The following TFG variants were observed in gnomAD, a reference collection of about 807,000 sequenced individuals.
TFG encodes the protein trafficking from ER to golgi regulator.
Under a neutral mutation model 51.4 loss-of-function variants are expected in TFG, and 22 were observed. The observed-to-expected ratio is 0.43, with a 90% CI of 0.31 to 0.61. The LOEUF (loss-of-function observed/expected upper bound fraction) is 0.61. Ranked by LOEUF, TFG falls within the 20% of genes least tolerant of loss-of-function variation. The pLI, the probability that TFG is intolerant of heterozygous loss-of-function variation, is 0.12. For missense variants in TFG, 419 were observed against 487.7 expected, an observed-to-expected ratio of 0.86 and a Z score of 1.33; for synonymous variants, 187 against 165.6, an observed-to-expected ratio of 1.13 and a Z score of -0.99.
intron 4 of TFG, among the ~76,000 whole-genome samples, chr3:100,731,611 G>GTGGA: frequency 6.6e-6 from 1 of 152,230 alleles, no homozygotes; most frequent in East Asian, 1.9e-4. Context: ...GTTACCCAGA[G>GTGGA]TGGAGTACAA....
chr3:100,710,142 G>C (rs2095026093), intron 1 of TFG: 1 of 152,272 alleles, frequency 6.6e-6, no homozygotes, highest in Admixed American at 6.5e-5. Flanking sequence ...AGGGTGTGGA[G>C]TGGCGCCTAC....
At chr3:100,722,687 A>G (rs2095064204) in intron 3 of TFG, among the ~76,000 whole-genome samples, 1 of 152,248 alleles carries the variant, frequency 6.6e-6, no homozygotes, top group Non-Finnish European at 1.5e-5. Context: ...AGACTTCTTC[A>G]TAGTAATAAT....
At chr3:100,733,544 T>A (rs1276870614) in intron 5 of TFG, among the ~76,000 whole-genome samples, 1 of 152,210 alleles carries the variant, frequency 6.6e-6, no homozygotes, top group Non-Finnish European at 1.5e-5. Context: ...TGCTTTAAAA[T>A]GTTTATCTGC....
At chr3:100,722,866 T>G (rs958242669) in intron 3 of TFG, among the ~76,000 whole-genome samples, 1 of 152,220 alleles carries the variant, frequency 6.6e-6, no homozygotes, top group Non-Finnish European at 1.5e-5. Flanking sequence ...TTAACAGTGG[T>G]CTTCATCAAG....
At chr3:100,721,181 C>A (rs2095059829) in intron 3 of TFG, among the ~76,000 whole-genome samples, 2 of 151,846 alleles carry the variant, frequency 1.3e-5, no homozygotes, top group African/African-American at 4.8e-5. Context: ...ATCTGAAGAC[C>A]CTTACTTTAA....
chr3:100,717,116 A>G (rs958183719), intron 2 of TFG, among the ~76,000 whole-genome samples: 2 of 152,206 alleles, frequency 1.3e-5, no homozygotes, highest in Non-Finnish European at 2.9e-5. Flanking sequence ...TTCCCGACCT[A>G]TTAAAGAGGT....
chr3:100,742,631 G>A (rs2095124323), intron 6 of TFG: 1 of 152,198 alleles, frequency 6.6e-6, no homozygotes, highest in Admixed American at 6.5e-5. Context: ...TCTTTGGGAT[G>A]TGGGAGGAAA....
intron 1 of TFG, among the ~76,000 whole-genome samples, chr3:100,712,155 G>A (rs2095033029): frequency 6.6e-6 from 1 of 152,120 alleles, no homozygotes; most frequent in African/African-American, 2.4e-5. Flanking sequence ...TGAGAGCATG[G>A]TGAGGGGTCT....
chr3:100,728,097 G>A (rs1380198272), intron 3 of TFG, among the ~76,000 whole-genome samples: 1 of 152,166 alleles, frequency 6.6e-6, no homozygotes, highest in African/African-American at 2.4e-5. Flanking sequence ...GCTTCCCAAA[G>A]TGGTGGGATT....
chr3:100,722,078 G>T (rs971208452), intron 3 of TFG, among the ~76,000 whole-genome samples: 2 of 152,172 alleles, frequency 1.3e-5, no homozygotes, highest in East Asian at 1.9e-4. Context: ...TTGAACCTGG[G>T]AGGTGGAGGT....
Position 100,720,038 on chromosome 3 carries a change from T to G in TFG, c.248T>G (p.Ile83Arg). 6.4e-7 allele frequency: 1 copy of G among 1,568,008 alleles called. No individual in the cohort carries two copies. Among genetic ancestry groups the G allele is most frequent in the Non-Finnish European group, 8.6e-7 (1 of 1,157,500 alleles). ...TCCTTTGCAATTCAGTGCAGTAGGA[T>G]ACTGAAACTGACATTATTTGGTGAG... Reference protein sequence around the residue: ...DLSFAIQCSRILKLTLFVNGQ... With the variant: ...DLSFAIQCSRRLKLTLFVNGQ... Residue 83 changes from isoleucine (I) to arginine (R), a missense_variant, in exon 3 of 8, where the codon ATA (isoleucine) becomes AGA (arginine). Around this residue, in one of 3 missense-constraint regions of TFG, gnomAD observed 391 missense variants for 434.4 expected, o/e 0.90. Transcript: ENST00000240851.
At chr3:100,725,964 G>T (rs2149074737) in intron 3 of TFG, among the ~76,000 whole-genome samples, 1 of 152,272 alleles carries the variant, frequency 6.6e-6, no homozygotes, top group Admixed American at 6.5e-5. Flanking sequence ...TAAGATACAT[G>T]GGAGTTTTTT....
intron 3 of TFG, 32 bp downstream of exon 3, chr3:100,720,090 T>G (rs2095056617): frequency 1.5e-6 from 2 of 1,304,366 alleles, no homozygotes; most frequent in East Asian, 4.9e-5. Context: ...GAATTTACTA[T>G]TTTATTCATT....
At chr3:100,739,594 A>G (rs1440358307) in intron 6 of TFG, among the ~76,000 whole-genome samples, 1 of 152,200 alleles carries the variant, frequency 6.6e-6, no homozygotes, top group Non-Finnish European at 1.5e-5. Flanking sequence ...ATATGCCAAT[A>G]TAATGAAAAG....
chr3:100,711,556 G>C (rs1477288369), intron 1 of TFG, among the ~76,000 whole-genome samples: 2 of 152,122 alleles, frequency 1.3e-5, no homozygotes, highest in Non-Finnish European at 2.9e-5. Context: ...CAGTGTGAGG[G>C]GTCGGATGTA....
Position 100,728,852 on chromosome 3 carries a change from G to C in TFG, c.409G>C (p.Glu137Gln), listed in dbSNP as rs760595911. Residue 137 changes from glutamate (E) to glutamine (Q), a missense_variant, in exon 4 of 8, where the codon GAA (glutamate) becomes CAA (glutamine). Physicochemically the swap from Glu to Gln is conservative, Grantham distance 29 (BLOSUM62 2). This residue lies in a region of TFG where 391 missense variants were observed against 434.4 expected (regional missense o/e 0.90). Coordinates refer to ENST00000240851, the MANE Select transcript of TFG (RefSeq NM_006070.6). ...ACCAGGACCTTCCACCAATATTCCTGAAAATGGTAAACCCTGAATCCATTG... is the reference window on the plus strand; with the variant it reads ...ACCAGGACCTTCCACCAATATTCCTCAAAATGGTAAACCCTGAATCCATTG... ...GEPGPSTNIP[E>Q]NDTVDGREEK... is the part of the protein sequence containing the mutation. 1.9e-6 allele frequency: 3 copies of C among 1,604,196 alleles called. No individual in the cohort carries two copies. The highest frequency in any genetic ancestry group is 2.7e-5 in the African/African-American group (2 of 74,146).
intron 6 of TFG, among the ~76,000 whole-genome samples, chr3:100,737,980 A>G (rs1232188380): frequency 2.0e-5 from 3 of 152,076 alleles, no homozygotes; most frequent in Admixed American, 2.0e-4. Context: ...GATTGTTTGC[A>G]TTGTTGAATT....
At chr3:100,740,403 AC>A (rs1324367518) in intron 6 of TFG, among the ~76,000 whole-genome samples, 1 of 152,102 alleles carries the variant, frequency 6.6e-6, no homozygotes, top group African/African-American at 2.4e-5. Context: ...TGCTTGGGTG[AC>A]CTCATGACAT....
intron 6 of TFG, among the ~76,000 whole-genome samples, chr3:100,736,933 A>G (rs1011147584): frequency 6.6e-6 from 1 of 152,182 alleles, no homozygotes; most frequent in African/African-American, 2.4e-5. Flanking sequence ...AAGTGTTTCT[A>G]TGAATATAGA....
Sources: allele counts gnomAD v4.1 joint callset (sites outside exome capture counted in the v4.1 genomes callset), GRCh38; gene constraint gnomAD v4.1.1; regional missense constraint gnomAD v4.1.1; transcripts MANE v1.5; gene names NCBI Gene and HGNC (gene_info 2026-07-23, HGNC 2026-07-21).